The following SMAD2 variants were observed in gnomAD, a reference collection of about 807,000 sequenced individuals.
SMAD2 encodes the protein SMAD family member 2.
In SMAD2, 8 loss-of-function variants were observed where a neutral mutation model predicts 64.4. The observed-to-expected ratio is 0.12, with a 90% CI of 0.07 to 0.22. The LOEUF (loss-of-function observed/expected upper bound fraction) is 0.22. Among genes scored for constraint, SMAD2 ranks in the 10% least tolerant of loss-of-function variants. The pLI is 1.00. For missense variants in SMAD2, 289 were observed against 561.2 expected, an observed-to-expected ratio of 0.51 and a Z score of 4.90; for synonymous variants, 203 against 195.8, an observed-to-expected ratio of 1.04 and a Z score of -0.31.
At chr18:47,868,196 C>T in intron 5 of SMAD2, 127 bp downstream of exon 5, 1 of 808,672 alleles carries the variant, frequency 1.2e-6, no homozygotes, top group Non-Finnish European at 2.1e-6. Context: ...CCCAACGAAT[C>T]CAATTTTTCT....
At chr18:47,855,501 C>T (rs2030594046) in intron 6 of SMAD2, among the ~76,000 whole-genome samples, 1 of 152,190 alleles carries the variant, frequency 6.6e-6, no homozygotes, top group Admixed American at 6.5e-5. Flanking sequence ...GTGCCTGTTG[C>T]TCCCCATCCT....
chr18:47,847,794 T>C (rs755760375), intron 8 of SMAD2, among the ~76,000 whole-genome samples: 7 of 151,756 alleles, frequency 4.6e-5, no homozygotes, highest in Non-Finnish European at 8.8e-5. Flanking sequence ...CTACATTTCA[T>C]CTCTTGCAAA....
At chr18:47,876,851 T>C (rs2032292145) in intron 2 of SMAD2, among the ~76,000 whole-genome samples, 1 of 152,110 alleles carries the variant, frequency 6.6e-6, no homozygotes, top group Non-Finnish European at 1.5e-5. Context: ...TTGCACTTTG[T>C]TCCAATTATC....
chr18:47,896,942 C>T, intron 1 of SMAD2, 133 bp from the exon 2 acceptor site: 1 of 759,382 alleles, frequency 1.3e-6, no homozygotes, highest in East Asian at 2.7e-5. Context: ...ACTTCTCCAC[C>T]CATGAAAACG....
At chr18:47,855,303 A>T (rs2030569169) in intron 6 of SMAD2, among the ~76,000 whole-genome samples, 1 of 152,218 alleles carries the variant, frequency 6.6e-6, no homozygotes, top group South Asian at 2.1e-4. Context: ...ATTATAAATA[A>T]AGCTGCTATG....
At chr18:47,850,708 CTA>C (rs567610146) in intron 7 of SMAD2, among the ~76,000 whole-genome samples, 662 of 11,060 alleles carry the variant, frequency 0.06, 124 homozygotes, top group African/African-American at 0.19. Context: ...ATATTATATA[CTA>C]TATATATATT....
chr18:47,866,031 A>G (rs1792673), intron 5 of SMAD2, among the ~76,000 whole-genome samples: 6,699 of 152,198 alleles, frequency 0.044, 206 homozygotes, highest in Non-Finnish European at 0.066. Context: ...TATCAAAAGA[A>G]CGAGGCCAGG....
chr18:47,848,404 G>A, intron 8 of SMAD2, 71 bp downstream of exon 8: 1 of 1,167,998 alleles, frequency 8.6e-7, no homozygotes. Flanking sequence ...CTCTTGATGT[G>A]GCACACCATG....
At chr18:47,924,248 C>CAAAA (rs201933597) in intron 1 of SMAD2, among the ~76,000 whole-genome samples, 3 of 99,726 alleles carry the variant, frequency 3.0e-5, no homozygotes, top group East Asian at 2.7e-4. Context: ...AACTCCGTCT[C>CAAAA]AAAAAAAAAA....
Position 47,839,637 on chromosome 18 carries a change from G to C in SMAD2, c.*2190C>G, listed in dbSNP as rs182935064. On this transcript the variant is annotated 3_prime_UTR_variant, in exon 11 of 11. Coordinates refer to ENST00000262160, the MANE Select transcript of SMAD2 (RefSeq NM_005901.6). ...ATGTTAGTGAGAATCACATGAAGCA[G>C]ACTATCACAAAATAAGGCCACCTTC... 3.7e-4 allele frequency: 86 copies of C among 233,376 alleles called. 1 individual carries two copies. Among genetic ancestry groups the C allele is most frequent in the African/African-American group, 1.6e-3 (73 of 45,464 alleles). The allele number at this position is 233,376 out of a possible 1,614,324, so 14.5% of individuals were successfully genotyped here.
At chr18:47,854,890 T>G (rs1401344384) in intron 6 of SMAD2, among the ~76,000 whole-genome samples, 3 of 152,166 alleles carry the variant, frequency 2.0e-5, no homozygotes, top group Non-Finnish European at 4.4e-5. Flanking sequence ...TAATTTACAT[T>G]AGGGCTATGT....
In SMAD2 at chr18:47,819,294, AATG is replaced by A. The variant is rs1912482024; in HGVS notation, c.*22530_*22532del. 1 of 152,260 alleles carries A rather than the reference AATG, an allele frequency of 6.6e-6. No individual in the cohort carries two copies. The highest frequency in any genetic ancestry group is 2.1e-4 in the South Asian group (1 of 4,832). 9.4% of individuals were successfully genotyped at this position (152,260 alleles called of 1,614,324 possible). The stretch of plus-strand genomic sequence containing the variant: ...AACTATAAACTCAACTTAAAAACAG[AATG>A]ATCTTTGTATAACTGTAAGTTGAAC... On this transcript the variant is annotated 3_prime_UTR_variant, in exon 11 of 11. Transcript: ENST00000262160.
At position 47,835,520 on chromosome 18, in the gene SMAD2, A is replaced by G. The variant is rs1369830698; in HGVS notation, c.*6307T>C. ...TTTCTTAGGGACTTACTGAGAAAAG[A>G]AAAAACTTACTGGGAGAACAGAGAC... is the stretch of plus-strand genomic sequence containing the variant. On this transcript the variant is annotated 3_prime_UTR_variant, in exon 11 of 11. Coordinates refer to ENST00000262160, the MANE Select transcript of SMAD2 (RefSeq NM_005901.6). 1 of 194,830 alleles carries G rather than the reference A, an allele frequency of 5.1e-6. No homozygotes were observed. The highest frequency in any genetic ancestry group is 1.1e-5 in the Non-Finnish European group (1 of 93,484). 12.1% of individuals were successfully genotyped at this position (194,830 alleles called of 1,614,324 possible). A position where few individuals can be genotyped will look rare whatever the true frequency, so the allele number is the denominator to read the frequency against.
At position 47,930,634 on chromosome 18, in the gene SMAD2, G is replaced by A; in HGVS notation, c.-327C>T. 1 of 150,410 alleles carries A rather than the reference G, an allele frequency of 6.6e-6. No individual in the cohort carries two copies. The highest frequency in any genetic ancestry group is 2.4e-5 in the African/African-American group (1 of 41,194). 9.3% of individuals were successfully genotyped at this position (150,410 alleles called of 1,614,324 possible). ...GGAGGGAGCCTGGCCGCCGCCCGCG[G>A]GGAAGGAGGGGGTGAGGACGCGCGC... On this transcript the variant is annotated 5_prime_UTR_variant, in exon 1 of 11. Coordinates refer to ENST00000262160, the MANE Select transcript of SMAD2 (RefSeq NM_005901.6).
chr18:47,841,731 C>A lies in SMAD2; in HGVS notation c.*96G>T. 1 of 1,454,384 alleles carries A rather than the reference C, an allele frequency of 6.9e-7. No homozygotes were observed. The highest frequency in any genetic ancestry group is 9.6e-7 in the Non-Finnish European group (1 of 1,040,354). The allele number at this position is 1,454,384 out of a possible 1,614,324, so 90.1% of individuals were successfully genotyped here. On this transcript the variant is annotated 3_prime_UTR_variant, in exon 11 of 11. Transcript: ENST00000262160. ...CTCAAGTGCTGTTTTCTCTCTTGAA[C>A]TTTTGGATAGTAAACAGTCCATAGG...
At chr18:47,906,142 G>T (rs1465556142) in intron 1 of SMAD2, among the ~76,000 whole-genome samples, 1 of 145,184 alleles carries the variant, frequency 6.9e-6, no homozygotes, top group African/African-American at 2.5e-5. Flanking sequence ...AATAGAAAAA[G>T]AAAAAAAAAA....
rs921720374 is a variant in SMAD2, at chr18:47,818,991, G to A, written c.*22836C>T. 2 of 152,210 alleles carry A rather than the reference G, an allele frequency of 1.3e-5. No homozygotes were observed. Among genetic ancestry groups the A allele is most frequent in the African/African-American group, 4.8e-5 (2 of 41,452 alleles). 9.4% of individuals were successfully genotyped at this position (152,210 alleles called of 1,614,324 possible). A position where few individuals can be genotyped will look rare whatever the true frequency, so the allele number is the denominator to read the frequency against. Reference sequence around the variant, plus strand: ...TTTGTGTATGTGTATGTTTAGGTGTGTTTACACATATGTATATATATGTTG... The same window carrying A: ...TTTGTGTATGTGTATGTTTAGGTGTATTTACACATATGTATATATATGTTG... On this transcript the variant is annotated 3_prime_UTR_variant, in exon 11 of 11. Coordinates refer to ENST00000262160, the MANE Select transcript of SMAD2 (RefSeq NM_005901.6).
At chr18:47,897,937 A>G (rs1324346561) in intron 1 of SMAD2, among the ~76,000 whole-genome samples, 1 of 152,256 alleles carries the variant, frequency 6.6e-6, no homozygotes, top group Non-Finnish European at 1.5e-5. Context: ...CATCCTTTTT[A>G]GAAAGTAAAG....
At chr18:47,877,117 T>G (rs1167817278) in intron 2 of SMAD2, among the ~76,000 whole-genome samples, 2 of 152,030 alleles carry the variant, frequency 1.3e-5, no homozygotes, top group East Asian at 3.8e-4. Flanking sequence ...CCCCATTGTT[T>G]TACTAATTTA....
Sources: allele counts gnomAD v4.1 joint callset (sites outside exome capture counted in the v4.1 genomes callset), GRCh38; gene constraint gnomAD v4.1.1; transcripts MANE v1.5; gene names NCBI Gene and HGNC (gene_info 2026-07-23, HGNC 2026-07-21).